The following CDH7 variants were observed in gnomAD, a reference collection of about 807,000 sequenced individuals.
CDH7 encodes the protein cadherin-7.
CDH7 carries 25 observed loss-of-function variants against 71.8 expected under a neutral mutation model. The observed-to-expected ratio is 0.35, with a 90% CI of 0.25 to 0.49. CDH7 has a LOEUF of 0.49. CDH7 is among the 20% of genes least tolerant of loss of function. The pLI is 0.99. For synonymous variants in CDH7, 381 were observed against 363.8 expected (o/e 1.05, Z -0.54); for missense variants, 862 against 974.6 (o/e 0.88, Z 1.54).
chr18:65,837,450 C>T (rs923786562), intron 6 of CDH7, among the ~76,000 whole-genome samples: 5 of 152,124 alleles, frequency 3.3e-5, no homozygotes, highest in African/African-American at 1.2e-4. Context: ...GAAAAAGGCT[C>T]CTGCTGAAGT....
chr18:65,782,086 CCTT>C (rs1910303120), intron 2 of CDH7, among the ~76,000 whole-genome samples: 1 of 49,424 alleles, frequency 2.0e-5, no homozygotes, highest in African/African-American at 2.0e-4. Context: ...TTCTTTCCTT[CCTT>C]CCTTCCTTCC....
Position 65,762,839 on chromosome 18 carries a change from A to G in CDH7, c.-4A>G, listed in dbSNP as rs1032299494. On this transcript the variant is annotated 5_prime_UTR_variant, in exon 2 of 12. Coordinates refer to ENST00000397968, the MANE Select transcript of CDH7 (RefSeq NM_004361.5). ...TACACAGGAAAAAGAAAGAAAAAAA[A>G]AAGATGAAGTTGGGCAAAGTGGAGT... 6.3e-7 allele frequency: 1 copy of G among 1,598,938 alleles called. No individual in the cohort carries two copies. Among genetic ancestry groups the G allele is most frequent in the African/African-American group, 1.4e-5 (1 of 73,954 alleles).
intron 1 of CDH7, among the ~76,000 whole-genome samples, chr18:65,759,586 A>G (rs1420398024): frequency 6.6e-6 from 1 of 152,112 alleles, no homozygotes; most frequent in Non-Finnish European, 1.5e-5. Context: ...TGTGTATTTT[A>G]TCACAGCTTT....
intron 7 of CDH7, among the ~76,000 whole-genome samples, chr18:65,853,104 A>T (rs1197411232): frequency 6.6e-6 from 1 of 152,152 alleles, no homozygotes; most frequent in Non-Finnish European, 1.5e-5. Flanking sequence ...TATGGAAGTG[A>T]TCTCTCTAAT....
chr18:65,805,690 C>T (rs1911290877), intron 2 of CDH7, among the ~76,000 whole-genome samples: 1 of 152,222 alleles, frequency 6.6e-6, no homozygotes. Context: ...CATCGGGAAG[C>T]TCCGGGCCAT....
intron 2 of CDH7, among the ~76,000 whole-genome samples, chr18:65,797,996 A>T (rs941778702): frequency 6.6e-6 from 1 of 152,188 alleles, no homozygotes; most frequent in Admixed American, 6.5e-5. Context: ...TGAATTATTC[A>T]GTAGTGTAGT....
intron 2 of CDH7, among the ~76,000 whole-genome samples, chr18:65,804,866 C>G (rs1911259746): frequency 6.6e-6 from 1 of 152,076 alleles, no homozygotes; most frequent in Admixed American, 6.6e-5. Context: ...AAATCACACA[C>G]TAAATGTTAC....
rs1174446577 is a variant in CDH7 at position 65,881,754 on chromosome 18, A to C, written c.*860A>C. ...AAATTCAGGTCCATCATACTGCCTC[A>C]TAGTATTAAACTCATCAGAACATGC... On this transcript the variant is annotated 3_prime_UTR_variant, in exon 12 of 12. Coordinates refer to ENST00000397968, the MANE Select transcript of CDH7 (RefSeq NM_004361.5). The C allele has an allele frequency of 1.3e-5, 2 of 152,156 alleles. No individual in the cohort carries two copies. The highest frequency in any genetic ancestry group is 1.3e-4 in the Admixed American group (2 of 15,270). 9.4% of individuals were successfully genotyped at this position (152,156 alleles called of 1,614,324 possible).
At chr18:65,804,128 C>T (rs149486397) in intron 2 of CDH7, among the ~76,000 whole-genome samples, 74 of 152,122 alleles carry the variant, frequency 4.9e-4, no homozygotes, top group African/African-American at 1.7e-3. Flanking sequence ...CATAAAATTT[C>T]ACCTTATGTT....
intron 2 of CDH7, among the ~76,000 whole-genome samples, chr18:65,780,327 T>G (rs944187719): frequency 1.5e-4 from 17 of 116,660 alleles, no homozygotes; most frequent in Non-Finnish European, 2.8e-4. Context: ...CATTTGTCAA[T>G]TTTGGCTTTT....
chr18:65,782,169 T>TCTTC (rs1910329508), intron 2 of CDH7, among the ~76,000 whole-genome samples: 3 of 122,746 alleles, frequency 2.4e-5, no homozygotes, highest in Admixed American at 8.5e-5. Flanking sequence ...TTTCTTCCTT[T>TCTTC]CTTTCTTTCT....
intron 1 of CDH7, among the ~76,000 whole-genome samples, chr18:65,753,738 C>T (rs1457480788): frequency 6.6e-6 from 1 of 152,196 alleles, no homozygotes; most frequent in Non-Finnish European, 1.5e-5. Context: ...CAGCAATACA[C>T]GAGTGCCTCC....
In CDH7 at chr18:65,882,374, T is replaced by G. The variant is rs1410935906; in HGVS notation, c.*1480T>G. The stretch of plus-strand genomic sequence containing the variant: ...CATTCAAGTAAGAATGGATTTATTT[T>G]TTCCTTCCTTTCTCCTTTTAAAAAT... On this transcript the variant is annotated 3_prime_UTR_variant, in exon 12 of 12. Coordinates refer to ENST00000397968, the MANE Select transcript of CDH7 (RefSeq NM_004361.5). 1 of 152,170 alleles carries G rather than the reference T, an allele frequency of 6.6e-6. No individual in the cohort carries two copies. Among genetic ancestry groups the G allele is most frequent in the East Asian group, 1.9e-4 (1 of 5,188 alleles). The allele number at this position is 152,170 out of a possible 1,614,324, so 9.4% of individuals were successfully genotyped here.
At chr18:65,777,942 C>A (rs1910009915) in intron 2 of CDH7, among the ~76,000 whole-genome samples, 1 of 152,046 alleles carries the variant, frequency 6.6e-6, no homozygotes, top group Non-Finnish European at 1.5e-5. Flanking sequence ...CAAGAAAATG[C>A]TAAGGATACC....
Position 65,822,142 on chromosome 18 carries a change from C to T in CDH7, c.687C>T (p.Val229=), listed in dbSNP as rs8097752. Residue 229 remains valine, a synonymous_variant, in exon 5 of 12, where the codon GTC becomes GTT. Transcript: ENST00000397968. ...AGGCTAAAGACCAGTATTTGCTTGT[C>T]ATTCAGGCAAAGGATATGGTTGGTC... ...DREAKDQYLL[V]IQAKDMVGQN... is the part of the protein sequence containing the mutation. 0.94 allele frequency: 1,522,344 copies of T among 1,612,670 alleles called. 722,369 individuals carry two copies. The highest frequency in any genetic ancestry group is 0.99 in the East Asian group (44,364 of 44,802).
chr18:65,762,093 C>T (rs67702087), intron 1 of CDH7, among the ~76,000 whole-genome samples: 48,505 of 152,000 alleles, frequency 0.32, 7,914 homozygotes, highest in Middle Eastern at 0.46. Context: ...CAAATCAGAA[C>T]ACATCAAAAC....
intron 6 of CDH7, among the ~76,000 whole-genome samples, chr18:65,830,303 T>A (rs1176249846): frequency 1.3e-5 from 2 of 152,150 alleles, no homozygotes; most frequent in Non-Finnish European, 2.9e-5. Context: ...TTACACATAA[T>A]ACATATTGTA....
intron 2 of CDH7, among the ~76,000 whole-genome samples, chr18:65,784,825 G>T (rs1018604783): frequency 6.6e-6 from 1 of 152,098 alleles, no homozygotes; most frequent in Non-Finnish European, 1.5e-5. Flanking sequence ...GAAGTTCTGC[G>T]TAGCATGTTT....
chr18:65,786,080 G>C (rs952381720), intron 2 of CDH7, among the ~76,000 whole-genome samples: 3 of 152,106 alleles, frequency 2.0e-5, no homozygotes, highest in Non-Finnish European at 4.4e-5. Flanking sequence ...AGCTAGAGCT[G>C]CCCATTAATA....
Sources: allele counts gnomAD v4.1 joint callset (sites outside exome capture counted in the v4.1 genomes callset), GRCh38; gene constraint gnomAD v4.1.1; transcripts MANE v1.5; gene names NCBI Gene and HGNC (gene_info 2026-07-23, HGNC 2026-07-21).